The following ROR1 variants were observed in gnomAD, a reference collection of about 807,000 sequenced individuals.
The protein encoded by ROR1 is inactive tyrosine-protein kinase transmembrane receptor ROR1.
In ROR1, 19 loss-of-function variants were observed where a neutral mutation model predicts 78.8. The observed-to-expected ratio is 0.24, with a 90% CI of 0.17 to 0.35. The LOEUF is 0.35. Among genes scored for constraint, ROR1 ranks in the 10% least tolerant of loss-of-function variants. The pLI is 1.00. For missense variants in ROR1, 917 were observed against 1,177.8 expected (o/e 0.78, Z 3.24); for synonymous variants, 386 against 433.6 (o/e 0.89, Z 1.36).
intron 1 of ROR1, among the ~76,000 whole-genome samples, chr1:63,817,538 C>G (rs1434776258): frequency 1.3e-5 from 2 of 152,100 alleles, no homozygotes; most frequent in African/African-American, 4.8e-5. Context: ...TGCTCTTTGG[C>G]AGAAGACCAA....
At chr1:63,924,244 AT>A (rs1645680710) in intron 1 of ROR1, among the ~76,000 whole-genome samples, 1 of 152,088 alleles carries the variant, frequency 6.6e-6, no homozygotes, top group South Asian at 2.1e-4. Flanking sequence ...TTTCTCATGT[AT>A]TTGTTGACAG....
intron 1 of ROR1, among the ~76,000 whole-genome samples, chr1:63,846,860 G>A (rs758912176): frequency 2.6e-5 from 4 of 152,238 alleles, no homozygotes; most frequent in African/African-American, 4.8e-5. Flanking sequence ...ATGCGGCACA[G>A]CGCGTTACTG....
chr1:64,037,644 G>A (rs965150095), intron 2 of ROR1, among the ~76,000 whole-genome samples: 6 of 152,220 alleles, frequency 3.9e-5, no homozygotes, highest in African/African-American at 1.4e-4. Context: ...CCATGATGAG[G>A]GTGTGCAGTT....
At chr1:63,787,476 T>TCCTTCCTTCCTTCCTG (rs1331155403) in intron 1 of ROR1, among the ~76,000 whole-genome samples, 117 of 132,544 alleles carry the variant, frequency 8.8e-4, no homozygotes, top group African/African-American at 2.4e-3. Flanking sequence ...CTTCCTTCCT[T>TCCTTCCTTCCTTCCTG]CCTTCCTGCC....
rs369100995 is a variant in ROR1 at position 64,009,295 on chromosome 1, T to G, written c.92-10T>G. The G allele has an allele frequency of 6.2e-7, 1 of 1,606,118 alleles. No individual in the cohort carries two copies. The highest frequency in any genetic ancestry group is 8.5e-7 in the Non-Finnish European group (1 of 1,172,870). ...CTTGTCTTTCTCCCTTCCCTTCTTT[T>G]TCTTTTCAGAAACAGAGCTGTCAGT... On this transcript the variant is annotated splice_polypyrimidine_tract_variant and intron_variant, in intron 1 of 8. Coordinates refer to ENST00000371079, the MANE Select transcript of ROR1 (RefSeq NM_005012.4).
At chr1:64,021,692 A>G (rs1261872233) in intron 2 of ROR1, among the ~76,000 whole-genome samples, 5 of 152,336 alleles carry the variant, frequency 3.3e-5, no homozygotes, top group African/African-American at 1.2e-4. Context: ...ATCTGTGTGT[A>G]TAGGGAGGAA....
At chr1:63,788,845 A>G in intron 1 of ROR1, 1 of 709,310 alleles carries the variant, frequency 1.4e-6, no homozygotes, top group East Asian at 3.0e-5. Context: ...GTTAGCCAGG[A>G]GCTTCATGCG....
Position 63,774,740 on chromosome 1 carries a change from G to A in ROR1, c.91+232G>A, listed in dbSNP as rs2100211347. On this transcript the variant is annotated intron_variant, in intron 1 of 8. Transcript: ENST00000371079. This position sits in a 1 kb window ranked among gnomAD's most constrained non-coding sequence, Gnocchi z 5.7. ...CGGGCCGGGGCGCGCCCAGGGACTC[G>A]TTCCTCGGTGCGCAGCAGCGATTGT... Among the ~76,000 whole-genome samples the A allele has an allele frequency of 6.6e-6, 1 of 151,820 alleles. No homozygotes were observed. Among genetic ancestry groups the A allele is most frequent in the East Asian group, 2.0e-4 (1 of 5,110 alleles).
At chr1:63,861,832 G>A (rs1272521791) in intron 1 of ROR1, among the ~76,000 whole-genome samples, 1 of 152,176 alleles carries the variant, frequency 6.6e-6, no homozygotes, top group African/African-American at 2.4e-5. Flanking sequence ...TTCCAATTGA[G>A]CCAGTAGGTC....
chr1:63,779,588 C>T (rs1644638753), intron 1 of ROR1, among the ~76,000 whole-genome samples: 1 of 152,142 alleles, frequency 6.6e-6, no homozygotes, highest in African/African-American at 2.4e-5. Context: ...TACACGGAGA[C>T]TGACTTGCAT....
At chr1:64,114,342 A>G (rs987812572) in intron 4 of ROR1, among the ~76,000 whole-genome samples, 4 of 152,192 alleles carry the variant, frequency 2.6e-5, no homozygotes, top group African/African-American at 9.7e-5. Flanking sequence ...TATCAGTATG[A>G]AATGTTGAGA....
At chr1:64,033,694 G>A (rs1165484430) in intron 2 of ROR1, among the ~76,000 whole-genome samples, 2 of 152,138 alleles carry the variant, frequency 1.3e-5, no homozygotes, top group Non-Finnish European at 2.9e-5. Context: ...TGTGCACCAG[G>A]TACTGTTCTA....
At position 63,889,876 on chromosome 1, in the gene ROR1, T is replaced by G. The variant is rs543514767; in HGVS notation, c.91+115368T>G. Among the ~76,000 whole-genome samples, 15 of 152,298 alleles carry G rather than the reference T, an allele frequency of 9.8e-5. No homozygotes were observed. The South Asian group carries it at 3.1e-3, about 32-fold the overall frequency. On this transcript the variant is annotated intron_variant, in intron 1 of 8. Transcript: ENST00000371079. ...TCTAGAGTAAATGTGGAATTCAATCTTATTTAAAAATATTTTGAGATCCAA... is the reference window on the plus strand; with the variant it reads ...TCTAGAGTAAATGTGGAATTCAATCGTATTTAAAAATATTTTGAGATCCAA...
intron 4 of ROR1, among the ~76,000 whole-genome samples, chr1:64,093,089 G>A (rs1442620773): frequency 2.0e-5 from 3 of 152,092 alleles, no homozygotes; most frequent in South Asian, 2.1e-4. Context: ...AAGCAACGCC[G>A]GGTTGTTCAT....
chr1:64,078,296 G>A (rs144138267), intron 4 of ROR1, among the ~76,000 whole-genome samples: 121 of 152,308 alleles, frequency 7.9e-4, no homozygotes, highest in African/African-American at 2.7e-3. Context: ...AACTAGACAA[G>A]CAGGGGAGAT....
At chr1:64,008,372 C>A (rs1187724655) in intron 1 of ROR1, among the ~76,000 whole-genome samples, 1 of 152,176 alleles carries the variant, frequency 6.6e-6, no homozygotes, top group East Asian at 1.9e-4. Flanking sequence ...TGTTGATGGG[C>A]ACCTAGGTTG....
At chr1:63,962,354 G>A (rs1646036234) in intron 1 of ROR1, among the ~76,000 whole-genome samples, 1 of 152,242 alleles carries the variant, frequency 6.6e-6, no homozygotes, top group Non-Finnish European at 1.5e-5. Context: ...TCTTGAATAA[G>A]TGAACGAAGA....
At chr1:63,849,950 C>G (rs1645103560) in intron 1 of ROR1, among the ~76,000 whole-genome samples, 1 of 152,204 alleles carries the variant, frequency 6.6e-6, no homozygotes, top group Non-Finnish European at 1.5e-5. Context: ...ACAACAAAAG[C>G]TCCCAGTGTA....
At chr1:64,030,716 C>T (rs1201740360) in intron 2 of ROR1, among the ~76,000 whole-genome samples, 3 of 152,168 alleles carry the variant, frequency 2.0e-5, no homozygotes, top group Non-Finnish European at 4.4e-5. Context: ...CAGGAATTCT[C>T]TATCCCTGAC....
Sources: allele counts gnomAD v4.1 joint callset (sites outside exome capture counted in the v4.1 genomes callset), GRCh38; gene constraint gnomAD v4.1.1; non-coding constraint Gnocchi (gnomAD v3.1); transcripts MANE v1.5; gene names NCBI Gene and HGNC (gene_info 2026-07-23, HGNC 2026-07-21).